LSP1: variants seen among roughly 807,000 people sequenced by gnomAD.
LSP1 encodes lymphocyte specific protein 1.
Under a neutral mutation model 49.3 loss-of-function variants are expected in LSP1, and 32 were observed. That is an observed-to-expected ratio of 0.65 (90% CI 0.49 to 0.87). LSP1 has a LOEUF of 0.87. LSP1 is among the 40% of genes least tolerant of loss of function. The pLI is 0.00. For missense variants in LSP1, 428 were observed against 442.6 expected, an observed-to-expected ratio of 0.97 and a Z score of 0.30; for synonymous variants, 179 against 178.8, an observed-to-expected ratio of 1.00 and a Z score of -0.01.
chr11:1,875,788 C>T (rs1185069897), intron 1 of LSP1, among the ~76,000 whole-genome samples: 1 of 152,202 alleles, frequency 6.6e-6, no homozygotes, highest in African/African-American at 2.4e-5. Context: ...GCCCGAGCCC[C>T]AGGCGGACGG....
At chr11:1,856,235 C>G (rs900258709) in intron 1 of LSP1, among the ~76,000 whole-genome samples, 34 of 152,220 alleles carry the variant, frequency 2.2e-4, no homozygotes, top group African/African-American at 7.7e-4. Context: ...CATGAGCGAC[C>G]AGGCCGTGTC....
At chr11:1,870,801 A>G (rs1427867294) in intron 1 of LSP1, 1 of 989,030 alleles carries the variant, frequency 1.0e-6, no homozygotes, top group Non-Finnish European at 1.2e-6. Context: ...AGAGGATGGC[A>G]GAGCCTCGAG....
chr11:1,860,551 T>C (rs1023156269), intron 1 of LSP1, among the ~76,000 whole-genome samples: 2 of 152,048 alleles, frequency 1.3e-5, no homozygotes, highest in African/African-American at 2.4e-5. Context: ...TATATGGATG[T>C]TTGGATGAAA....
rs1275228017 is a variant in LSP1, at chr11:1,880,108, G to A, written c.75G>A (p.Val25=). 6.2e-7 allele frequency: 1 copy of A among 1,609,472 alleles called. No homozygotes were observed. Among genetic ancestry groups the A allele is most frequent in the Non-Finnish European group, 8.5e-7 (1 of 1,177,536 alleles). ...ELLGPTAQWS[V]EDEEEAVHEQ... ...CTAGGCCCACTGCTCAGTGGAGCGT[G>A]GAGGACGAGGAGGAGGCCGTCCACG... The change falls in exon 2 of 11, where the codon GTG becomes GTA. Residue 25 remains valine, a synonymous_variant. Coordinates refer to ENST00000311604, the MANE Select transcript of LSP1 (RefSeq NM_002339.3).
At chr11:1,866,576 T>A (rs7938342) in intron 1 of LSP1, 919,193 of 1,548,672 alleles carry the variant, frequency 0.59, 275,666 homozygotes, top group East Asian at 0.79. Context: ...GCACACCTCA[T>A]CCCAGCCTCC....
chr11:1,865,959 G>T (rs545992014), intron 1 of LSP1, among the ~76,000 whole-genome samples: 63 of 152,188 alleles, frequency 4.1e-4, no homozygotes, highest in African/African-American at 1.3e-3. Context: ...TGTTGGGCCA[G>T]TGTGGTGCCC....
chr11:1,856,506 C>A (rs1479291047), intron 1 of LSP1, among the ~76,000 whole-genome samples: 2 of 152,260 alleles, frequency 1.3e-5, no homozygotes, highest in Admixed American at 6.5e-5. Context: ...CTGCCATGGA[C>A]AGGGCCAGTC....
chr11:1,866,379 T>C (rs1847788722), intron 1 of LSP1: 3 of 1,140,016 alleles, frequency 2.6e-6, no homozygotes, highest in Admixed American at 2.9e-5. Flanking sequence ...GGGATGCCCA[T>C]GGGGGTGAGC....
chr11:1,857,232 T>C (rs1717769), intron 1 of LSP1, among the ~76,000 whole-genome samples: 54,349 of 152,078 alleles, frequency 0.36, 10,099 homozygotes, highest in East Asian at 0.53. Flanking sequence ...CAGAATCCTT[T>C]CTTCCTGCGC....
Position 1,890,372 on chromosome 11 carries a change from C to T in LSP1, c.*14-1401C>T, listed in dbSNP as rs537285291. ...CTGTGACCTCCTGGTCATGGCTGGC[C>T]TCACTCACGGGGGACAGGGAGGTGC... On this transcript the variant is annotated intron_variant, in intron 10 of 10. Coordinates refer to ENST00000311604, the MANE Select transcript of LSP1 (RefSeq NM_002339.3). The T allele has an allele frequency of 9.2e-5, 66 of 716,736 alleles. No homozygotes were observed. In the East Asian group the frequency reaches 1.7e-3, roughly 19 times the overall value. 44.4% of individuals were successfully genotyped at this position (716,736 alleles called of 1,614,324 possible).
intron 1 of LSP1, among the ~76,000 whole-genome samples, chr11:1,853,897 G>C (rs1054020705): frequency 1.3e-5 from 2 of 152,178 alleles, no homozygotes; most frequent in African/African-American, 4.8e-5. Context: ...GCGGGCAGCT[G>C]TACTCTGTGG....
chr11:1,876,672 G>A lies in LSP1; in HGVS notation c.54-3415G>A, dbSNP rs1848323509. On this transcript the variant is annotated intron_variant, in intron 1 of 10. Coordinates refer to ENST00000311604, the MANE Select transcript of LSP1 (RefSeq NM_002339.3). ...TGGGTAGCTGGGAGTGCTGGGCCGA[G>A]GATGGGCATTGTCAGGCCCTCAGCG... 4 of 978,252 alleles carry A rather than the reference G, an allele frequency of 4.1e-6. No individual in the cohort carries two copies. The South Asian group carries it at 1.4e-4, about 35-fold the overall frequency. The allele number at this position is 978,252 out of a possible 1,614,324, so 60.6% of individuals were successfully genotyped here. A position where few individuals can be genotyped will look rare whatever the true frequency, so the allele number is the denominator to read the frequency against.
chr11:1,870,489 G>A (rs1006379199), intron 1 of LSP1: 14 of 1,197,690 alleles, frequency 1.2e-5, no homozygotes, highest in Admixed American at 1.1e-4. Flanking sequence ...CCGGTGGCCA[G>A]GCCGGGCACC....
At position 1,869,578 on chromosome 11, in the gene LSP1, G is replaced by A; in HGVS notation, c.54-10509G>A. On this transcript the variant is annotated intron_variant, in intron 1 of 10. Transcript: ENST00000311604. ...CCGCCGACCCCAGGTGTGGGAGGAG[G>A]GGTCTCTCCCACGTGGGCCGCACCT... is the stretch of plus-strand genomic sequence containing the variant. The A allele has an allele frequency of 8.7e-6, 4 of 461,866 alleles. 1 individual carries two copies. Among genetic ancestry groups the A allele is most frequent in the South Asian group, 6.2e-5 (4 of 64,256 alleles). 28.6% of individuals were successfully genotyped at this position (461,866 alleles called of 1,614,324 possible).
intron 1 of LSP1, chr11:1,870,067 C>T: frequency 4.5e-6 from 2 of 444,298 alleles, no homozygotes; most frequent in Non-Finnish European, 9.5e-6. Flanking sequence ...TAGGACTGCG[C>T]CCCTGGCGAC....
chr11:1,879,957 G>A (rs1848467623), intron 1 of LSP1, 130 bp from the exon 2 acceptor site: 1 of 1,137,764 alleles, frequency 8.8e-7, no homozygotes, highest in South Asian at 1.5e-5. Context: ...GGGCCGGCCT[G>A]GGACTGACCT....
chr11:1,875,261 C>T (rs1589820571), intron 1 of LSP1, among the ~76,000 whole-genome samples: 2 of 152,300 alleles, frequency 1.3e-5, no homozygotes, highest in South Asian at 4.1e-4. Context: ...CTCTGCAGGC[C>T]GATGTCCAAG....
In LSP1 at chr11:1,868,590, A is replaced by T. The variant is rs977343799; in HGVS notation, c.54-11497A>T. 3.2e-6 allele frequency: 3 copies of T among 948,438 alleles called. No individual in the cohort carries two copies. The African/African-American group carries it at 5.3e-5, about 17-fold the overall frequency. 58.8% of individuals were successfully genotyped at this position (948,438 alleles called of 1,614,324 possible). A position where few individuals can be genotyped will look rare whatever the true frequency, so the allele number is the denominator to read the frequency against. ...GGGGGCTGGGGGAAGCCAGGCCTCC[A>T]ACCACAGTGTCCAAAAGGGTGTGGC... On this transcript the variant is annotated intron_variant, in intron 1 of 10. Transcript: ENST00000311604.
Position 1,874,659 on chromosome 11 carries a change from G to A in LSP1, c.54-5428G>A, listed in dbSNP as rs555034263. 1.8e-3 allele frequency among the ~76,000 whole-genome samples: 280 copies of A among 152,248 alleles called. 1 individual carries two copies. The highest frequency in any genetic ancestry group is 3.0e-3 in the Non-Finnish European group (202 of 67,974). On this transcript the variant is annotated intron_variant, in intron 1 of 10. Transcript: ENST00000311604. ...GGCTGGATGAGCCAGGGAGGCGCCG[G>A]GAGGGGCCTTGGCAGAGGCGACTCC...
Sources: gnomAD v4.1 joint callset for allele counts (sites outside exome capture counted in the v4.1 genomes callset) on GRCh38, gnomAD v4.1.1 for gene constraint, MANE v1.5 for transcripts, NCBI Gene and HGNC (gene_info 2026-07-23, HGNC 2026-07-21) for gene names.